Variants in CHMP3 observed in about 807,000 individuals in gnomAD.
The protein encoded by CHMP3 is charged multivesicular body protein 3.
CHMP3 carries 8 observed loss-of-function variants against 27.4 expected under a neutral mutation model. That is an observed-to-expected ratio of 0.29 (90% confidence interval 0.17 to 0.53). The LOEUF (loss-of-function observed/expected upper bound fraction) is 0.53, where lower values mean the gene tolerates loss of function less well. Ranked by LOEUF, CHMP3 falls within the 20% of genes least tolerant of loss-of-function variation. The pLI is 0.96. For synonymous variants in CHMP3, 86 were observed against 85.5 expected (o/e 1.01, Z -0.03); for missense variants, 208 against 271.5 (o/e 0.77, Z 1.64).
At chr2:86,540,847 T>C (rs958723220) in intron 2 of CHMP3, 2 of 115,784 alleles carry the variant, frequency 1.7e-5, no homozygotes, top group East Asian at 6.1e-4. Context: ...GTTTTGGGTG[T>C]TTTTTTTTTT....
At chr2:86,547,212 G>C (rs1482543775) in intron 1 of CHMP3, among the ~76,000 whole-genome samples, 1 of 152,118 alleles carries the variant, frequency 6.6e-6, no homozygotes, top group Non-Finnish European at 1.5e-5. Context: ...TATTCACCAA[G>C]CCCTTGCATA....
At chr2:86,517,008 C>T (rs777509942) in intron 3 of CHMP3, among the ~76,000 whole-genome samples, 1 of 151,984 alleles carries the variant, frequency 6.6e-6, no homozygotes, top group Non-Finnish European at 1.5e-5. Flanking sequence ...ATGTTACTAT[C>T]GGGGGAAACT....
intron 1 of CHMP3, among the ~76,000 whole-genome samples, chr2:86,550,734 A>G (rs1252257056): frequency 2.0e-5 from 3 of 152,216 alleles, no homozygotes; most frequent in Non-Finnish European, 2.9e-5. Flanking sequence ...CAGCTCAAAA[A>G]TATTTAAAAA....
At position 86,503,452 on chromosome 2, in the gene CHMP3, T is replaced by C. The variant is rs570513261; in HGVS notation, c.*2352A>G. ...CCATATGATCCAGCACTGAAGCTCT[T>C]GGTATTTATTCAAATGAATTAAAAA... On this transcript the variant is annotated 3_prime_UTR_variant, in exon 6 of 6. Coordinates refer to ENST00000263856, the MANE Select transcript of CHMP3 (RefSeq NM_016079.4). 1 of 152,332 alleles carries C rather than the reference T, an allele frequency of 6.6e-6. No individual in the cohort carries two copies. The highest frequency in any genetic ancestry group is 1.9e-4 in the East Asian group (1 of 5,188). 9.4% of individuals were successfully genotyped at this position (152,332 alleles called of 1,614,324 possible).
intron 3 of CHMP3, chr2:86,511,378 T>C (rs1675101568): frequency 6.6e-6 from 1 of 152,160 alleles, no homozygotes. Flanking sequence ...GTTTGCTAGT[T>C]GCAGAGAACA....
At chr2:86,556,983 C>T (rs949402244) in intron 1 of CHMP3, among the ~76,000 whole-genome samples, 1 of 152,222 alleles carries the variant, frequency 6.6e-6, no homozygotes, top group African/African-American at 2.4e-5. Flanking sequence ...TATGCCAGCC[C>T]AGTGGATGAT....
rs375801972 is a variant in CHMP3 at position 86,518,881 on chromosome 2, G to A, written c.287-8402C>T. On this transcript the variant is annotated intron_variant, in intron 3 of 5. Coordinates refer to ENST00000263856, the MANE Select transcript of CHMP3 (RefSeq NM_016079.4). Reference sequence around the variant, plus strand: ...AAACATGAAAGTTAATCATGTTTTGGGTTGCAGGACACTCACTGGTAAAAG... The same window carrying A: ...AAACATGAAAGTTAATCATGTTTTGAGTTGCAGGACACTCACTGGTAAAAG... 1.8e-4 allele frequency among the ~76,000 whole-genome samples: 28 copies of A among 152,276 alleles called. 4 individuals carry two copies. Among genetic ancestry groups the A allele is most frequent in the East Asian group, 1.5e-3 (8 of 5,188 alleles).
rs1299193541 is a variant in CHMP3 at position 86,505,846 on chromosome 2, A to G, written c.627T>C (p.Ala209=). Residue 209 remains alanine (A), a synonymous_variant, in exon 6 of 6, where the codon GCT becomes GCC. Coordinates refer to ENST00000263856, the MANE Select transcript of CHMP3 (RefSeq NM_016079.4). The part of the protein sequence containing the change: ...ASEDEEEEEE[A]LEAMQSRLAT... ...CCAGCCGGGACTGCATGGCCTCCAG[A>G]GCCTCTTCCTCCTCCTCCTCATCCT... The G allele has an allele frequency of 1.2e-6, 2 of 1,602,652 alleles. No homozygotes were observed. The highest frequency in any genetic ancestry group is 1.3e-5 in the African/African-American group (1 of 74,446).
At chr2:86,512,327 G>GA (rs1675136318) in intron 3 of CHMP3, 1 of 152,256 alleles carries the variant, frequency 6.6e-6, no homozygotes. Flanking sequence ...CTACCCTCCA[G>GA]AAAATGCAGC....
At chr2:86,560,785 T>C (rs1345272896) in intron 1 of CHMP3, among the ~76,000 whole-genome samples, 2 of 151,866 alleles carry the variant, frequency 1.3e-5, no homozygotes, top group Non-Finnish European at 2.9e-5. Flanking sequence ...CTTCTGCTTT[T>C]GGGGAGGCCT....
At chr2:86,536,274 A>G (rs1464143276) in intron 2 of CHMP3, among the ~76,000 whole-genome samples, 2 of 152,176 alleles carry the variant, frequency 1.3e-5, no homozygotes, top group Non-Finnish European at 2.9e-5. Context: ...CTGGGATTAC[A>G]GGCGTGAGCC....
intron 5 of CHMP3, among the ~76,000 whole-genome samples, chr2:86,506,530 C>T (rs974333839): frequency 3.2e-4 from 48 of 151,408 alleles, no homozygotes; most frequent in African/African-American, 4.6e-4. Flanking sequence ...TCCATGTTAA[C>T]GAGTATATTT....
rs1180823517 is a variant in CHMP3, at chr2:86,503,859, A to C, written c.*1945T>G. The C allele has an allele frequency of 6.6e-6, 1 of 152,228 alleles. No homozygotes were observed. Among genetic ancestry groups the C allele is most frequent in the Admixed American group, 6.5e-5 (1 of 15,292 alleles). The allele number at this position is 152,228 out of a possible 1,614,324, so 9.4% of individuals were successfully genotyped here. A position where few individuals can be genotyped will look rare whatever the true frequency, so the allele number is the denominator to read the frequency against. On this transcript the variant is annotated 3_prime_UTR_variant, in exon 6 of 6. Transcript: ENST00000263856. ...AAACTAACATAGGAACAGGAAACCAAATATTCCATGTTCTCACAAGTGGGA... is the reference window on the plus strand; with the variant it reads ...AAACTAACATAGGAACAGGAAACCACATATTCCATGTTCTCACAAGTGGGA...
chr2:86,561,064 T>C (rs1000660534), intron 1 of CHMP3, among the ~76,000 whole-genome samples: 1 of 152,194 alleles, frequency 6.6e-6, no homozygotes, highest in African/African-American at 2.4e-5. Flanking sequence ...ATCCAAACCA[T>C]ATCAGGTGCC....
intron 1 of CHMP3, among the ~76,000 whole-genome samples, chr2:86,543,009 T>C (rs1242811414): frequency 6.6e-6 from 1 of 152,256 alleles, no homozygotes; most frequent in East Asian, 1.9e-4. Context: ...TAAATTACTA[T>C]GTGCTTTTTA....
intron 2 of CHMP3, among the ~76,000 whole-genome samples, chr2:86,532,174 T>C (rs1264218496): frequency 6.6e-6 from 1 of 152,190 alleles, no homozygotes; most frequent in African/African-American, 2.4e-5. Flanking sequence ...GCCTCCTTGG[T>C]TAAGTAAATT....
intron 5 of CHMP3, chr2:86,507,267 A>G (rs1190281074): frequency 2.0e-6 from 1 of 506,402 alleles, no homozygotes; most frequent in Non-Finnish European, 3.5e-6. Context: ...TTCCTTTAAA[A>G]TCATGCAAAC....
At chr2:86,513,558 G>C (rs1675183580) in intron 3 of CHMP3, among the ~76,000 whole-genome samples, 1 of 152,208 alleles carries the variant, frequency 6.6e-6, no homozygotes, top group Admixed American at 6.5e-5. Flanking sequence ...TACCACTCTT[G>C]TGTGGGATGT....
At chr2:86,535,662 C>G (rs908063541) in intron 2 of CHMP3, among the ~76,000 whole-genome samples, 5 of 152,156 alleles carry the variant, frequency 3.3e-5, no homozygotes, top group Admixed American at 1.3e-4. Context: ...GCGCACCACA[C>G]GCCCAGCTAA....
Sources: gnomAD v4.1 joint callset for allele counts (sites outside exome capture counted in the v4.1 genomes callset) on GRCh38, gnomAD v4.1.1 for gene constraint, MANE v1.5 for transcripts, NCBI Gene and HGNC (gene_info 2026-07-23, HGNC 2026-07-21) for gene names.